Variants in NPEPL1 observed in about 807,000 individuals in gnomAD.
NPEPL1 encodes probable aminopeptidase NPEPL1.
NPEPL1 carries 45 observed loss-of-function variants against 52.4 expected under a neutral mutation model. That is an observed-to-expected ratio of 0.86 (90% CI 0.68 to 1.10). The LOEUF is 1.10. Among genes scored for constraint, NPEPL1 ranks in the 50% least tolerant of loss-of-function variants. NPEPL1 has a pLI of 0.00. For synonymous variants in NPEPL1, 360 were observed against 314.7 expected (o/e 1.14, Z -1.52); for missense variants, 696 against 710.9 (o/e 0.98, Z 0.24).
chr20:58,709,808 G>A (rs923065970), intron 7 of NPEPL1, among the ~76,000 whole-genome samples: 3 of 152,226 alleles, frequency 2.0e-5, no homozygotes, highest in African/African-American at 7.2e-5. Context: ...AAAAGACAAA[G>A]CCAGACTATG....
Position 58,708,699 on chromosome 20 carries a change from C to T in NPEPL1, c.900+1499C>T, listed in dbSNP as rs759634450. ...CATCATAGGCCACGGGGCAGGGTGG[C>T]TCTGGGCTCCCACTACCTGGCCCTC... On this transcript the variant is annotated intron_variant, in intron 7 of 11. Transcript: ENST00000356091. Among the ~76,000 whole-genome samples, 543 of 152,250 alleles carry T rather than the reference C, an allele frequency of 3.6e-3. 2 individuals carry two copies. Among genetic ancestry groups the T allele is most frequent in the Non-Finnish European group, 4.9e-3 (335 of 68,008 alleles).
intron 6 of NPEPL1, among the ~76,000 whole-genome samples, chr20:58,702,292 C>T (rs561491816): frequency 4.1e-4 from 49 of 120,172 alleles, no homozygotes; most frequent in Non-Finnish European, 7.6e-4. Context: ...AGTGGGCCTG[C>T]CCCTGGTGTC....
At chr20:58,700,964 C>A in intron 5 of NPEPL1, 52 bp from the exon 6 acceptor site, 1 of 1,409,900 alleles carries the variant, frequency 7.1e-7, no homozygotes, top group South Asian at 1.6e-5. Flanking sequence ...TCTGGGAGTT[C>A]CCCGCTCAGC....
At chr20:58,698,219 C>T (rs926714012) in intron 3 of NPEPL1, among the ~76,000 whole-genome samples, 1 of 151,730 alleles carries the variant, frequency 6.6e-6, no homozygotes, top group Non-Finnish European at 1.5e-5. Flanking sequence ...CTGGTAGATA[C>T]GGCCTATGAG....
At position 58,713,614 on chromosome 20, in the gene NPEPL1, G is replaced by A. The variant is rs1440898846; in HGVS notation, c.1125+71G>A. 3 of 1,482,118 alleles carry A rather than the reference G, an allele frequency of 2.0e-6. No individual in the cohort carries two copies. Among genetic ancestry groups the A allele is most frequent in the Admixed American group, 4.8e-5 (2 of 41,548 alleles). 91.8% of individuals were successfully genotyped at this position (1,482,118 alleles called of 1,614,324 possible). A position where few individuals can be genotyped will look rare whatever the true frequency, so the allele number is the denominator to read the frequency against. On this transcript the variant is annotated intron_variant, in intron 9 of 11. Coordinates refer to ENST00000356091, the MANE Select transcript of NPEPL1 (RefSeq NM_024663.4). This position sits in a 1 kb window ranked among gnomAD's most constrained non-coding sequence, Gnocchi z 4.6. ...CCCACCCCACTCTTGACCTCAAGGT[G>A]GGGAAGGCAGCGCGTGGGGGCTGCC...
intron 3 of NPEPL1, 89 bp downstream of exon 3, chr20:58,694,681 C>CG (rs1281430587): frequency 5.1e-6 from 7 of 1,361,264 alleles, no homozygotes; most frequent in Admixed American, 2.8e-5. Flanking sequence ...AAGCTTGTTG[C>CG]GGGGGCAGGA....
chr20:58,693,844 C>T lies in NPEPL1; in HGVS notation c.258C>T (p.His86=). Residue 86 remains histidine, a synonymous_variant, in exon 2 of 12, where the codon CAC becomes CAT. Transcript: ENST00000356091. ...VAALPCRVSR[H]NSPSAAHFIT... ...CCCTGCCCTGCAGGGTGAGCCGGCA[C>T]AACAGCCCCTCGGCCGCCCACTTCA... The T allele has an allele frequency of 6.2e-7, 1 of 1,613,664 alleles. No individual in the cohort carries two copies.
chr20:58,715,192 G>A lies in NPEPL1; in HGVS notation c.1438G>A (p.Val480Met). 1.2e-6 allele frequency: 2 copies of A among 1,607,352 alleles called. No individual in the cohort carries two copies. The highest frequency in any genetic ancestry group is 1.7e-6 in the Non-Finnish European group (2 of 1,178,456). Residue 480 changes from valine (V) to methionine (M), a missense_variant, in exon 12 of 12, where the codon GTG becomes ATG. Coordinates refer to ENST00000356091, the MANE Select transcript of NPEPL1 (RefSeq NM_024663.4). ...GGGTGAGCGAGCCACAGGCTTCGGT[G>A]TGGCCCTCCTGCTGGCGCTCTTCGG... ...HAGERATGFG[V>M]ALLLALFGRA...
Position 58,713,767 on chromosome 20 carries a change from G to T in NPEPL1, c.1126-150G>T. On this transcript the variant is annotated intron_variant, in intron 9 of 11. Transcript: ENST00000356091. The surrounding 1 kb of genome is among the most constrained non-coding windows in gnomAD (Gnocchi z 4.6). The stretch of plus-strand genomic sequence containing the variant: ...CGCCTCCTGTGTGCTTCATGGCCAT[G>T]GTCCTTTCTGCCTGTGTTTTTTCTT... 5 of 1,076,672 alleles carry T rather than the reference G, an allele frequency of 4.6e-6. No homozygotes were observed. The highest frequency in any genetic ancestry group is 6.3e-6 in the Non-Finnish European group (5 of 789,946). 66.7% of individuals were successfully genotyped at this position (1,076,672 alleles called of 1,614,324 possible). A position where few individuals can be genotyped will look rare whatever the true frequency, so the allele number is the denominator to read the frequency against.
chr20:58,698,219 C>G (rs926714012), intron 3 of NPEPL1, among the ~76,000 whole-genome samples: 1 of 151,730 alleles, frequency 6.6e-6, no homozygotes, highest in Admixed American at 6.6e-5. Flanking sequence ...CTGGTAGATA[C>G]GGCCTATGAG....
chr20:58,704,153 A>T, intron 6 of NPEPL1: 1 of 985,278 alleles, frequency 1.0e-6, no homozygotes. Flanking sequence ...TCTCTCCCCA[A>T]CGGCCTGGTG....
In NPEPL1 at chr20:58,707,216, C is replaced by T. The variant is rs376111705; in HGVS notation, c.900+16C>T. 61 of 1,544,278 alleles carry T rather than the reference C, an allele frequency of 4.0e-5. No individual in the cohort carries two copies. In the African/African-American group the frequency reaches 4.1e-4, roughly 10 times the overall value. ...AATCAAGCAGGTGAGTGGGCCCTGC[C>T]CGCCCTCTGCAGGGGCATCCTGGGT... On this transcript the variant is annotated intron_variant, in intron 7 of 11. Transcript: ENST00000356091.
In NPEPL1 at chr20:58,698,732, G is replaced by A. The variant is rs766334443; in HGVS notation, c.556G>A (p.Asp186Asn). 1.9e-6 allele frequency: 3 copies of A among 1,612,972 alleles called. No individual in the cohort carries two copies. The highest frequency in any genetic ancestry group is 2.5e-6 in the Non-Finnish European group (3 of 1,179,846). The change falls in exon 4 of 12, where the codon GAC (aspartate) becomes AAC (asparagine). Residue 186 changes from aspartate to asparagine, a missense_variant. Asp to Asn is a conservative substitution (Grantham distance 23). Transcript: ENST00000356091. ...CGTGCGGCTAGCAGCCCGCATCGTG[G>A]ACACACCCTGCAATGAGATGAACAC... ...DGVRLAARIV[D>N]TPCNEMNTDT...
intron 7 of NPEPL1, among the ~76,000 whole-genome samples, chr20:58,707,715 T>TGGGGGGGGGG (rs539320427): frequency 2.5e-4 from 10 of 39,424 alleles, no homozygotes; most frequent in Admixed American, 5.9e-4. Flanking sequence ...TCGGGGGGCG[T>TGGGGGGGGGG]GGGGGGGGTG....
Position 58,713,159 on chromosome 20 carries a change from T to C in NPEPL1, c.1002-261T>C, listed in dbSNP as rs2084888716. 4.3e-6 allele frequency: 2 copies of C among 462,138 alleles called. No individual in the cohort carries two copies. The highest frequency in any genetic ancestry group is 7.1e-5 in the Admixed American group (2 of 27,996). 28.6% of individuals were successfully genotyped at this position (462,138 alleles called of 1,614,324 possible). ...CCACCCACTTTACAGAAGAAGAAAC[T>C]GAGGCATGGGAGAGCCAAATGGCTG... On this transcript the variant is annotated intron_variant, in intron 8 of 11. Coordinates refer to ENST00000356091, the MANE Select transcript of NPEPL1 (RefSeq NM_024663.4). This position sits in a 1 kb window ranked among gnomAD's most constrained non-coding sequence, Gnocchi z 4.6.
rs763655132 is a variant in NPEPL1, at chr20:58,699,288, G to T, written c.679+10G>T. On this transcript the variant is annotated intron_variant, in intron 5 of 11. Transcript: ENST00000356091. Reference sequence around the variant, plus strand: ...ACGAGAGGATTTGGAGGTGGGTGGGGGCTGCATCCCTGCAGCTCTTGGCCT... The same window carrying T: ...ACGAGAGGATTTGGAGGTGGGTGGGTGCTGCATCCCTGCAGCTCTTGGCCT... 1 of 1,598,970 alleles carries T rather than the reference G, an allele frequency of 6.3e-7. No individual in the cohort carries two copies. Among genetic ancestry groups the T allele is most frequent in the Non-Finnish European group, 8.5e-7 (1 of 1,172,080 alleles).
Position 58,715,545 on chromosome 20 carries a change from C to T in NPEPL1, c.*219C>T, listed in dbSNP as rs2084935334. On this transcript the variant is annotated 3_prime_UTR_variant, in exon 12 of 12. Coordinates refer to ENST00000356091, the MANE Select transcript of NPEPL1 (RefSeq NM_024663.4). ...CGCTGGGGCTTGTTTCTGTTTGTTA[C>T]TTACAGGACTGAGACATCTTCTGTA... 5.9e-6 allele frequency: 3 copies of T among 505,512 alleles called. No individual in the cohort carries two copies. The highest frequency in any genetic ancestry group is 1.0e-5 in the Non-Finnish European group (3 of 290,638). 31.3% of individuals were successfully genotyped at this position (505,512 alleles called of 1,614,324 possible). A position where few individuals can be genotyped will look rare whatever the true frequency, so the allele number is the denominator to read the frequency against.
chr20:58,715,375 A>G lies in NPEPL1; in HGVS notation c.*49A>G. The G allele has an allele frequency of 2.6e-6, 4 of 1,514,174 alleles. No individual in the cohort carries two copies. The highest frequency in any genetic ancestry group is 3.5e-6 in the Non-Finnish European group (4 of 1,129,732). 93.8% of individuals were successfully genotyped at this position (1,514,174 alleles called of 1,614,324 possible). ...ACGGGGATCTTTTACCTCACTTTGC[A>G]CTGATTAATTTTAAGCAATTGAAAG... On this transcript the variant is annotated 3_prime_UTR_variant, in exon 12 of 12. Coordinates refer to ENST00000356091, the MANE Select transcript of NPEPL1 (RefSeq NM_024663.4).
upstream of NPEPL1, among the ~76,000 whole-genome samples, chr20:58,690,354 TAAATA>T (rs1161581367): frequency 6.6e-6 from 1 of 152,242 alleles, no homozygotes; most frequent in Non-Finnish European, 1.5e-5. Flanking sequence ...TAAGGAAAAT[TAAATA>T]GAGTTGAATT....
Sources: gnomAD v4.1 joint callset for allele counts (sites outside exome capture counted in the v4.1 genomes callset) on GRCh38, gnomAD v4.1.1 for gene constraint, Gnocchi (gnomAD v3.1) non-coding constraint, MANE v1.5 for transcripts, NCBI Gene and HGNC (gene_info 2026-07-23, HGNC 2026-07-21) for gene names.